The following TMEM74 variants were observed in gnomAD, a reference collection of about 807,000 sequenced individuals.
TMEM74 encodes the protein transmembrane protein 74.
Under a neutral mutation model 18.1 loss-of-function variants are expected in TMEM74, and 13 were observed. The observed-to-expected ratio is 0.72, with a 90% CI of 0.47 to 1.14. TMEM74 has a LOEUF of 1.14. TMEM74 is among the 50% of genes most tolerant of loss of function. The probability of loss-of-function intolerance (pLI) is 0.00; values close to 1 mark genes in which losing one functional copy is unlikely to be tolerated. For synonymous variants in TMEM74, 159 were observed against 146.6 expected (o/e 1.08, Z -0.61); for missense variants, 372 against 375.9 (o/e 0.99, Z 0.09).
At chr8:108,654,951 C>A (rs566135132) in intron 2 of TMEM74, among the ~76,000 whole-genome samples, 51 of 152,168 alleles carry the variant, frequency 3.4e-4, no homozygotes, top group Non-Finnish European at 3.5e-4. Flanking sequence ...CGTATGATAG[C>A]ATTATGTAGA....
chr8:108,764,685 T>A (rs1586289690), intron 1 of TMEM74, among the ~76,000 whole-genome samples: 2 of 151,932 alleles, frequency 1.3e-5, no homozygotes, highest in African/African-American at 4.8e-5. Flanking sequence ...CTGGCGGAGG[T>A]CATGTCTGAA....
chr8:108,740,183 A>G (rs1020663605), intron 1 of TMEM74, among the ~76,000 whole-genome samples: 31 of 152,312 alleles, frequency 2.0e-4, no homozygotes, highest in Admixed American at 2.0e-3. Context: ...TCAGACATGC[A>G]AGCCCTGCCT....
At chr8:108,635,620 T>C (rs537103084) in intron 2 of TMEM74, among the ~76,000 whole-genome samples, 1 of 152,232 alleles carries the variant, frequency 6.6e-6, no homozygotes, top group Non-Finnish European at 1.5e-5. Context: ...TTTAATATCA[T>C]ATCTCTCCTC....
chr8:108,609,682 G>A, intron 2 of TMEM74, among the ~76,000 whole-genome samples: 1 of 152,116 alleles, frequency 6.6e-6, no homozygotes, highest in Non-Finnish European at 1.5e-5. Context: ...TTTATGAAAA[G>A]CAGGAAAATG....
chr8:108,670,463 C>T (rs1406767923), intron 1 of TMEM74, among the ~76,000 whole-genome samples: 1 of 152,170 alleles, frequency 6.6e-6, no homozygotes, highest in Non-Finnish European at 1.5e-5. Context: ...GATACTGAGT[C>T]TCCCATATAC....
At chr8:108,713,126 T>C (rs1426751265) in intron 1 of TMEM74, among the ~76,000 whole-genome samples, 1 of 152,234 alleles carries the variant, frequency 6.6e-6, no homozygotes, top group East Asian at 1.9e-4. Context: ...CTGGTGACTC[T>C]AGATTTGAAC....
chr8:108,675,919 A>G (rs1813052191), intron 1 of TMEM74, among the ~76,000 whole-genome samples: 1 of 152,218 alleles, frequency 6.6e-6, no homozygotes. Flanking sequence ...AGATAATGAG[A>G]TAATATTATT....
chr8:108,638,962 C>A (rs1812634075), intron 2 of TMEM74, among the ~76,000 whole-genome samples: 1 of 152,112 alleles, frequency 6.6e-6, no homozygotes, highest in Non-Finnish European at 1.5e-5. Context: ...TGCACATTTC[C>A]CTTCTGTTGC....
chr8:108,754,601 A>T (rs552457036), intron 1 of TMEM74, among the ~76,000 whole-genome samples: 1 of 152,040 alleles, frequency 6.6e-6, no homozygotes, highest in East Asian at 1.9e-4. Flanking sequence ...TGGCTGTATT[A>T]CTCAGGGTTC....
intron 2 of TMEM74, among the ~76,000 whole-genome samples, chr8:108,650,537 T>C (rs1233612800): frequency 1.3e-5 from 2 of 152,178 alleles, no homozygotes; most frequent in Non-Finnish European, 2.9e-5. Context: ...TCCTCAGTTG[T>C]CCATCTCCTT....
Position 108,783,395 on chromosome 8 carries a change from G to A in TMEM74, c.*786C>T, listed in dbSNP as rs181277718. 6.6e-6 allele frequency: 1 copy of A among 152,380 alleles called. No individual in the cohort carries two copies. Among genetic ancestry groups the A allele is most frequent in the African/African-American group, 2.4e-5 (1 of 41,556 alleles). 9.4% of individuals were successfully genotyped at this position (152,380 alleles called of 1,614,324 possible). A position where few individuals can be genotyped will look rare whatever the true frequency, so the allele number is the denominator to read the frequency against. ...AGAACCAGCAGACTTCAAGAGCACA[G>A]ATAACCAGTATGATGGCAAAATCAC... On this transcript the variant is annotated 3_prime_UTR_variant, in exon 2 of 2. Transcript: ENST00000297459.
chr8:108,611,098 G>A (rs576529685), intron 2 of TMEM74, among the ~76,000 whole-genome samples: 1 of 152,290 alleles, frequency 6.6e-6, no homozygotes, highest in South Asian at 2.1e-4. Context: ...ATTATCCAGA[G>A]CAGTCAATAT....
intron 1 of TMEM74, among the ~76,000 whole-genome samples, chr8:108,682,084 T>C (rs1813120533): frequency 6.6e-6 from 1 of 152,188 alleles, no homozygotes; most frequent in South Asian, 2.1e-4. Flanking sequence ...TTTCAGTGGT[T>C]TCTCATTTTG....
chr8:108,769,071 G>A (rs895841580), intron 1 of TMEM74, among the ~76,000 whole-genome samples: 1 of 151,970 alleles, frequency 6.6e-6, no homozygotes, highest in Non-Finnish European at 1.5e-5. Context: ...GGGAGGCCGA[G>A]GTGGGTGGAT....
chr8:108,728,086 G>A (rs540402260), intron 1 of TMEM74, among the ~76,000 whole-genome samples: 1 of 152,316 alleles, frequency 6.6e-6, no homozygotes, highest in South Asian at 2.1e-4. Context: ...GTGTTTGGGA[G>A]AGAATTAGAA....
chr8:108,683,267 C>T (rs1355754623), intron 1 of TMEM74, among the ~76,000 whole-genome samples: 5 of 151,558 alleles, frequency 3.3e-5, no homozygotes, highest in Non-Finnish European at 5.9e-5. Flanking sequence ...TGTTGAAAAA[C>T]TTTAAAATTA....
At chr8:108,631,283 G>A (rs1214121913) in intron 2 of TMEM74, among the ~76,000 whole-genome samples, 1 of 151,990 alleles carries the variant, frequency 6.6e-6, no homozygotes, top group Non-Finnish European at 1.5e-5. Flanking sequence ...GGTCATGGGT[G>A]CTGCAGGTAG....
intron 1 of TMEM74, among the ~76,000 whole-genome samples, chr8:108,657,898 A>ATATATATG (rs1812861059): frequency 8.1e-6 from 1 of 122,930 alleles, no homozygotes; most frequent in African/African-American, 3.1e-5. Context: ...ATATATATAT[A>ATATATATG]TATATTAATT....
chr8:108,638,104 T>TAG (rs1462569773), intron 2 of TMEM74, among the ~76,000 whole-genome samples: 7 of 152,154 alleles, frequency 4.6e-5, no homozygotes, highest in Admixed American at 1.3e-4. Context: ...GGTGTGAAAG[T>TAG]AGAACTGTGG....
Sources: gnomAD v4.1 joint callset for allele counts (sites outside exome capture counted in the v4.1 genomes callset) on GRCh38, gnomAD v4.1.1 for gene constraint, MANE v1.5 for transcripts, NCBI Gene and HGNC (gene_info 2026-07-23, HGNC 2026-07-21) for gene names.